The following RNF182 variants were observed in gnomAD, a reference collection of about 807,000 sequenced individuals.
RNF182 encodes the protein ring finger protein 182, also known as E3 ubiquitin-protein ligase RNF182.
In RNF182, 15 loss-of-function variants were observed where a neutral mutation model predicts 14.4. That is an observed-to-expected ratio of 1.04 (90% CI 0.70 to 1.60). The LOEUF is 1.60. Ranked by LOEUF, RNF182 falls within the 40% of genes most tolerant of loss-of-function variation. The probability of loss-of-function intolerance (pLI) is 0.00; values close to 1 mark genes in which losing one functional copy is unlikely to be tolerated. For synonymous variants in RNF182, 128 were observed against 122.9 expected, an observed-to-expected ratio of 1.04 and a Z score of -0.27; for missense variants, 268 against 294.8, an observed-to-expected ratio of 0.91 and a Z score of 0.67.
chr6:13,952,165 G>A (rs773288415), intron 1 of RNF182, among the ~76,000 whole-genome samples: 1 of 152,186 alleles, frequency 6.6e-6, no homozygotes, highest in Admixed American at 6.5e-5. Context: ...GCTGGGAGGC[G>A]AGGAGCTCAG....
rs191810897 is a variant in RNF182, at chr6:13,959,023, G to A, written c.-366-15187G>A. Among the ~76,000 whole-genome samples the A allele has an allele frequency of 3.9e-4, 59 of 152,192 alleles. No individual in the cohort carries two copies. In the East Asian group the frequency reaches 0.011, roughly 27 times the overall value. ...TTGCCATGTGATCTCTGCAGATATC[G>A]GCTCCCTTTCATTTCTTCCCATGGA... On this transcript the variant is annotated intron_variant, in intron 1 of 2. Coordinates refer to ENST00000488300, the MANE Select transcript of RNF182 (RefSeq NM_152737.4).
intron 1 of RNF182, among the ~76,000 whole-genome samples, chr6:13,954,261 C>T (rs2113619036): frequency 6.6e-6 from 1 of 152,308 alleles, no homozygotes; most frequent in South Asian, 2.1e-4. Context: ...ACTGCAATGT[C>T]ATTATCACAC....
At position 13,977,978 on chromosome 6, in the gene RNF182, A is replaced by G. The variant is rs1760386449; in HGVS notation, c.*115A>G. ...ATGATTAGTATCCATGACATTAACA[A>G]AACCCTTGGCCACATGTTGACTTGA... On this transcript the variant is annotated 3_prime_UTR_variant, in exon 3 of 3. Transcript: ENST00000488300. 18 of 1,168,914 alleles carry G rather than the reference A, an allele frequency of 1.5e-5. No homozygotes were observed. The South Asian group carries it at 3.0e-4, about 19-fold the overall frequency. 72.4% of individuals were successfully genotyped at this position (1,168,914 alleles called of 1,614,324 possible). A position where few individuals can be genotyped will look rare whatever the true frequency, so the allele number is the denominator to read the frequency against.
intron 1 of RNF182, among the ~76,000 whole-genome samples, chr6:13,940,632 A>G (rs1449085494): frequency 6.6e-6 from 1 of 151,790 alleles, no homozygotes; most frequent in Non-Finnish European, 1.5e-5. Context: ...GTTCTTTCCT[A>G]ATATTTTTGG....
In RNF182 at chr6:13,977,986, G is replaced by T; in HGVS notation, c.*123G>T. The T allele has an allele frequency of 9.0e-7, 1 of 1,108,266 alleles. No homozygotes were observed. 68.7% of individuals were successfully genotyped at this position (1,108,266 alleles called of 1,614,324 possible). ...TATCCATGACATTAACAAAACCCTTGGCCACATGTTGACTTGATTGGTTTT... is the reference window on the plus strand; with the variant it reads ...TATCCATGACATTAACAAAACCCTTTGCCACATGTTGACTTGATTGGTTTT... On this transcript the variant is annotated 3_prime_UTR_variant, in exon 3 of 3. Coordinates refer to ENST00000488300, the MANE Select transcript of RNF182 (RefSeq NM_152737.4).
chr6:13,934,526 T>G (rs1197202727), intron 1 of RNF182, among the ~76,000 whole-genome samples: 1 of 152,226 alleles, frequency 6.6e-6, no homozygotes, highest in Non-Finnish European at 1.5e-5. Context: ...CCAACAATGT[T>G]TTTTTGATTT....
chr6:13,962,909 G>T lies in RNF182; in HGVS notation c.-366-11301G>T, dbSNP rs139710776. Reference sequence around the variant, plus strand: ...CCTATACAATTAATTCATATGGACAGTGGAGTAATACATAGCATAGAGCCC... The same window carrying T: ...CCTATACAATTAATTCATATGGACATTGGAGTAATACATAGCATAGAGCCC... On this transcript the variant is annotated intron_variant, in intron 1 of 2. Coordinates refer to ENST00000488300, the MANE Select transcript of RNF182 (RefSeq NM_152737.4). 4.6e-5 allele frequency among the ~76,000 whole-genome samples: 7 copies of T among 152,312 alleles called. No individual in the cohort carries two copies. The East Asian group carries it at 1.3e-3, about 29-fold the overall frequency.
chr6:13,933,895 GT>G (rs2113583632), intron 1 of RNF182, among the ~76,000 whole-genome samples: 1 of 152,268 alleles, frequency 6.6e-6, no homozygotes, highest in Admixed American at 6.5e-5. Context: ...GCATGCGCCT[GT>G]AGTCCCAGCT....
At chr6:13,929,942 G>A (rs1297412559) in intron 1 of RNF182, among the ~76,000 whole-genome samples, 1 of 152,126 alleles carries the variant, frequency 6.6e-6, no homozygotes, top group Non-Finnish European at 1.5e-5. Flanking sequence ...ACATGTACCA[G>A]TATTCTTTTC....
intron 1 of RNF182, chr6:13,949,107 G>A: frequency 1.3e-6 from 1 of 756,554 alleles, no homozygotes; most frequent in South Asian, 1.4e-5. Flanking sequence ...GGCTGCCACT[G>A]CCTTTGCCAG....
intron 1 of RNF182, among the ~76,000 whole-genome samples, chr6:13,972,888 C>T (rs1296309860): frequency 6.6e-6 from 1 of 152,210 alleles, no homozygotes; most frequent in Non-Finnish European, 1.5e-5. Flanking sequence ...CACTGGGGCA[C>T]TGCCTAGTGG....
intron 1 of RNF182, among the ~76,000 whole-genome samples, chr6:13,938,778 T>G (rs906715476): frequency 2.0e-5 from 3 of 152,200 alleles, no homozygotes; most frequent in African/African-American, 7.2e-5. Context: ...TCTGTCTGGA[T>G]TCTGTATTTT....
At chr6:13,965,453 A>G (rs1759999766) in intron 1 of RNF182, among the ~76,000 whole-genome samples, 1 of 152,232 alleles carries the variant, frequency 6.6e-6, no homozygotes, top group South Asian at 2.1e-4. Context: ...TCAGGACTTG[A>G]GTCTGTAAAT....
chr6:13,976,999 A>T lies in RNF182; in HGVS notation c.-121A>T. ...TGGAAGATTTCTGGTTTCTTTCACTACTTATCCTGCCTTTTTGCATCGCTG... is the reference window on the plus strand; with the variant it reads ...TGGAAGATTTCTGGTTTCTTTCACTTCTTATCCTGCCTTTTTGCATCGCTG... On this transcript the variant is annotated 5_prime_UTR_variant, in exon 3 of 3. Coordinates refer to ENST00000488300, the MANE Select transcript of RNF182 (RefSeq NM_152737.4). 9.3e-7 allele frequency: 1 copy of T among 1,071,576 alleles called. No individual in the cohort carries two copies. The highest frequency in any genetic ancestry group is 1.4e-6 in the Non-Finnish European group (1 of 738,306). 66.4% of individuals were successfully genotyped at this position (1,071,576 alleles called of 1,614,324 possible). A position where few individuals can be genotyped will look rare whatever the true frequency, so the allele number is the denominator to read the frequency against.
rs772434540 is a variant in RNF182 at position 13,977,561 on chromosome 6, C to T, written c.442C>T (p.Pro148Ser). 5.6e-6 allele frequency: 9 copies of T among 1,614,076 alleles called. No individual in the cohort carries two copies. Among genetic ancestry groups the T allele is most frequent in the Non-Finnish European group, 7.6e-6 (9 of 1,180,028 alleles). The change falls in exon 3 of 3, where the codon CCT becomes TCT. Residue 148 changes from proline to serine, a missense_variant. Coordinates refer to ENST00000488300, the MANE Select transcript of RNF182 (RefSeq NM_152737.4). ...GAGCTCCCCGTCCCTGAGCTCCACT[C>T]CTGTGGTAGAATTTTATAGGCCTGC... ...RESSPSLSST[P>S]VVEFYRPASF...
rs10694591 is a variant in RNF182, at chr6:13,980,201, TTTTTATTTTATTTTATTTTA to T, written c.*2362_*2381del. On this transcript the variant is annotated 3_prime_UTR_variant, in exon 3 of 3. Coordinates refer to ENST00000488300, the MANE Select transcript of RNF182 (RefSeq NM_152737.4). ...ACACTTTTAAAAGGCCTTCATAGTT[TTTTTATTTTATTTTATTTTA>T]TTTTATTTTATTTTATTTTATTTAT... is the stretch of plus-strand genomic sequence containing the variant. 4.2e-5 allele frequency: 6 copies of T among 142,220 alleles called. No homozygotes were observed. Among genetic ancestry groups the T allele is most frequent in the African/African-American group, 1.0e-4 (4 of 39,494 alleles). The allele number at this position is 142,220 out of a possible 1,614,324, so 8.8% of individuals were successfully genotyped here. A position where few individuals can be genotyped will look rare whatever the true frequency, so the allele number is the denominator to read the frequency against.
intron 1 of RNF182, among the ~76,000 whole-genome samples, chr6:13,963,534 G>C (rs1380195852): frequency 1.3e-5 from 2 of 152,162 alleles, no homozygotes; most frequent in South Asian, 4.1e-4. Flanking sequence ...TCAAACAGGT[G>C]TTGTCCCTGG....
chr6:13,936,594 T>TAGG (rs1759117297), intron 1 of RNF182, among the ~76,000 whole-genome samples: 1 of 152,198 alleles, frequency 6.6e-6, no homozygotes, highest in African/African-American at 2.4e-5. Flanking sequence ...CACTAATGAC[T>TAGG]CAAAGATGAA....
At chr6:13,943,311 G>A (rs1376574390) in intron 1 of RNF182, among the ~76,000 whole-genome samples, 8 of 150,632 alleles carry the variant, frequency 5.3e-5, no homozygotes, top group Non-Finnish European at 1.0e-4. Context: ...TGTAGAAATA[G>A]GGTCTCACCG....
Sources: allele counts gnomAD v4.1 joint callset (sites outside exome capture counted in the v4.1 genomes callset), GRCh38; gene constraint gnomAD v4.1.1; transcripts MANE v1.5; gene names NCBI Gene and HGNC (gene_info 2026-07-23, HGNC 2026-07-21).